The following LONP1 variants were observed in gnomAD, a reference collection of about 807,000 sequenced individuals.
LONP1 encodes lon peptidase 1, mitochondrial.
A neutral mutation model predicts 98.5 loss-of-function variants in LONP1; 31 were observed. That is an observed-to-expected ratio of 0.31 (90% CI 0.24 to 0.42). The LOEUF is 0.42. LONP1 is among the 20% of genes least tolerant of loss of function. The pLI is 1.00. For missense variants in LONP1, 1,336 were observed against 1,350.6 expected, an observed-to-expected ratio of 0.99 and a Z score of 0.17; for synonymous variants, 781 against 594.7, an observed-to-expected ratio of 1.31 and a Z score of -4.56.
chr19:5,701,241 C>CGAGACCATCCTGGCTAGCACGGT (rs1568317743), intron 8 of LONP1, among the ~76,000 whole-genome samples: 2 of 152,198 alleles, frequency 1.3e-5, no homozygotes, highest in South Asian at 4.1e-4. Flanking sequence ...GTCAGGAGAT[C>CGAGACCATCCTGGCTAGCACGGT]GAGACCATCC....
At chr19:5,708,701 C>G (rs946211835) in intron 4 of LONP1, 1 of 350,092 alleles carries the variant, frequency 2.9e-6, no homozygotes, top group East Asian at 4.3e-5. Context: ...ACTGTGTTTT[C>G]TTTCCTCCAT....
Position 5,691,976 on chromosome 19 carries a change from T to TCAGTTCTGGCCCTGACAGGGCCTGACATC in LONP1, c.*55_*56insGATGTCAGGCCCTGTCAGGGCCAGAACTG. 6.5e-7 allele frequency: 1 copy of TCAGTTCTGGCCCTGACAGGGCCTGACATC among 1,536,484 alleles called. No homozygotes were observed. The highest frequency in any genetic ancestry group is 8.8e-7 in the Non-Finnish European group (1 of 1,135,666). ...GGTCCGGGCGCGCTCCCCACAGCGC[T>TCAGTTCTGGCCCTGACAGGGCCTGACATC]CAGTTCTGGCCCAGACAGGGCCTGA... On this transcript the variant is annotated 3_prime_UTR_variant, in exon 18 of 18. Transcript: ENST00000360614.
chr19:5,718,894 C>T (rs1274407310), intron 1 of LONP1, among the ~76,000 whole-genome samples: 2 of 152,126 alleles, frequency 1.3e-5, no homozygotes, highest in African/African-American at 4.8e-5. Flanking sequence ...ATTCTCAGAA[C>T]TTGCTACGTG....
chr19:5,695,736 G>GA (rs1179844330), intron 13 of LONP1, among the ~76,000 whole-genome samples: 2 of 152,166 alleles, frequency 1.3e-5, no homozygotes, highest in East Asian at 1.9e-4. Flanking sequence ...CCGGCTGCCA[G>GA]AAACCTTCCC....
At chr19:5,693,273 G>A (rs150051921) in intron 17 of LONP1, 25 bp downstream of exon 17, 2 of 1,589,764 alleles carry the variant, frequency 1.3e-6, no homozygotes, top group East Asian at 4.5e-5. Context: ...TGCCAGTGCT[G>A]TGGGGTGGGT....
chr19:5,696,811 C>T (rs1345526706), intron 10 of LONP1, 54 bp from the exon 11 acceptor site: 26 of 1,231,584 alleles, frequency 2.1e-5, no homozygotes, highest in Middle Eastern at 1.9e-4. Context: ...TCGGCCACAA[C>T]GACACCATGC....
intron 15 of LONP1, 21 bp from the exon 16 acceptor site, chr19:5,693,790 T>C (rs773585434): frequency 8.7e-6 from 14 of 1,606,540 alleles, no homozygotes; most frequent in Admixed American, 1.7e-5. Flanking sequence ...TGTGGAGCTG[T>C]GAACACGGGA....
chr19:5,720,021 A>G lies in LONP1; in HGVS notation c.112T>C (p.Trp38Arg). 6.4e-7 allele frequency: 1 copy of G among 1,567,256 alleles called. No individual in the cohort carries two copies. Among genetic ancestry groups the G allele is most frequent in the African/African-American group, 1.4e-5 (1 of 72,744 alleles). The change falls in exon 1 of 18, where the codon TGG becomes CGG. Residue 38 changes from tryptophan (W) to arginine (R), a missense_variant. Transcript: ENST00000360614. The stretch of plus-strand genomic sequence containing the variant: ...CAGGTCCGCTGGCCTCGGAGCAACC[A>G]CGCTCCTGCTGCAGTGGGAACCCGC... ...GGRVPTAAGAWLLRGQRTCDA... is the reference protein window; with the variant it reads ...GGRVPTAAGARLLRGQRTCDA...
At chr19:5,697,830 C>T (rs570010097) in intron 10 of LONP1, among the ~76,000 whole-genome samples, 1 of 152,182 alleles carries the variant, frequency 6.6e-6, no homozygotes, top group Admixed American at 6.5e-5. Flanking sequence ...TGGTGACTCC[C>T]TCCCAAGGCC....
chr19:5,698,206 C>CA (rs1294602207), intron 10 of LONP1, among the ~76,000 whole-genome samples: 1 of 152,094 alleles, frequency 6.6e-6, no homozygotes, highest in African/African-American at 2.4e-5. Context: ...AGCATGCTGT[C>CA]ACCCTTGCAG....
chr19:5,707,954 G>A (rs533988019), intron 5 of LONP1, 128 bp from the exon 6 acceptor site: 9 of 1,070,834 alleles, frequency 8.4e-6, no homozygotes, highest in Admixed American at 2.6e-5. Flanking sequence ...AGGGGTGCTC[G>A]CTGGGAGCCA....
rs529728939 is a variant in LONP1 at position 5,703,049 on chromosome 19, C to T, written c.1368-2122G>A. Among the ~76,000 whole-genome samples, 82 of 151,668 alleles carry T rather than the reference C, an allele frequency of 5.4e-4. 1 individual carries two copies. Among genetic ancestry groups the T allele is most frequent in the Admixed American group, 3.3e-3 (50 of 15,236 alleles). On this transcript the variant is annotated intron_variant, in intron 8 of 17. Coordinates refer to ENST00000360614, the MANE Select transcript of LONP1 (RefSeq NM_004793.4). Reference sequence around the variant, plus strand: ...AAAAAAAATTAGCTGGGCGTGGCAGCGGACACCTGTAGTTCCAGCTACTCG... The same window carrying T: ...AAAAAAAATTAGCTGGGCGTGGCAGTGGACACCTGTAGTTCCAGCTACTCG...
chr19:5,694,607 G>C, intron 14 of LONP1, 55 bp from the exon 15 acceptor site: 7 of 1,500,424 alleles, frequency 4.7e-6, no homozygotes, highest in Non-Finnish European at 6.4e-6. Flanking sequence ...CAGGTGCGGG[G>C]TGGTGGGGTG....
intron 13 of LONP1, 147 bp from the exon 14 acceptor site, chr19:5,695,048 C>G: frequency 1.1e-6 from 1 of 919,032 alleles, no homozygotes; most frequent in African/African-American, 1.7e-5. Flanking sequence ...CTGGACACCC[C>G]GCCCTGCCAC....
chr19:5,692,510 C>G (rs985289605), intron 17 of LONP1, among the ~76,000 whole-genome samples: 1 of 152,190 alleles, frequency 6.6e-6, no homozygotes, highest in Non-Finnish European at 1.5e-5. Flanking sequence ...CACACACCCA[C>G]GGCCTCACAT....
At chr19:5,698,993 G>A (rs902125882) in intron 10 of LONP1, 34 bp downstream of exon 10, 6 of 1,573,928 alleles carry the variant, frequency 3.8e-6, no homozygotes, top group Non-Finnish European at 5.2e-6. Flanking sequence ...CAGCTGAGGG[G>A]AGTGCGTGGG....
rs1322836887 is a variant in LONP1 at position 5,693,566 on chromosome 19, G to T, written c.2524C>A (p.Leu842Met). Residue 842 changes from leucine (L) to methionine (M), a missense_variant, in exon 16 of 18, where the codon CTG becomes ATG. Leu to Met is a conservative substitution (Grantham distance 15). This residue lies in a region of LONP1 where 555 missense variants were observed against 542.6 expected (regional missense o/e 1.02). Coordinates refer to ENST00000360614, the MANE Select transcript of LONP1 (RefSeq NM_004793.4). Reference sequence around the variant, plus strand: ...GGCGCGGTCACCTCGGGCACATGCAGGTGGATGTGTGAGGTCACCAGGTAG... The same window carrying T: ...GGCGCGGTCACCTCGGGCACATGCATGTGGATGTGTGAGGTCACCAGGTAG... ...NDYLVTSHIH[L>M]HVPEGATPKD... 2 of 1,614,086 alleles carry T rather than the reference G, an allele frequency of 1.2e-6. No homozygotes were observed. The highest frequency in any genetic ancestry group is 1.3e-5 in the African/African-American group (1 of 75,040).
intron 10 of LONP1, among the ~76,000 whole-genome samples, chr19:5,697,368 G>A (rs752890815): frequency 2.6e-5 from 4 of 151,816 alleles, no homozygotes; most frequent in African/African-American, 4.8e-5. Flanking sequence ...AGCAACGCAC[G>A]TGAGGAGAGA....
chr19:5,708,483 A>G, intron 4 of LONP1, 80 bp from the exon 5 acceptor site: 1 of 1,246,656 alleles, frequency 8.0e-7, no homozygotes, highest in South Asian at 1.3e-5. Context: ...TGGCCCTGGG[A>G]GCCCCACCCA....
Sources: allele counts gnomAD v4.1 joint callset (sites outside exome capture counted in the v4.1 genomes callset), GRCh38; gene constraint gnomAD v4.1.1; regional missense constraint gnomAD v4.1.1; transcripts MANE v1.5; gene names NCBI Gene and HGNC (gene_info 2026-07-23, HGNC 2026-07-21).